The following ACAD11 variants were observed in gnomAD, a reference collection of about 807,000 sequenced individuals.
The protein encoded by ACAD11 is acyl-CoA dehydrogenase family member 11, also known as acyl-Coenzyme A dehydrogenase family, member 11.
Under a neutral mutation model 102.2 loss-of-function variants are expected in ACAD11, and 83 were observed. The ratio of observed to expected loss-of-function variants is 0.81; its 90% CI spans 0.68 to 0.97. The LOEUF (loss-of-function observed/expected upper bound fraction) is 0.97. ACAD11 is among the 50% of genes least tolerant of loss of function. The probability of loss-of-function intolerance (pLI) is 0.00; values close to 1 mark genes in which losing one functional copy is unlikely to be tolerated. For synonymous variants in ACAD11, 324 were observed against 319.8 expected, an observed-to-expected ratio of 1.01 and a Z score of -0.14; for missense variants, 901 against 951.7, an observed-to-expected ratio of 0.95 and a Z score of 0.70.
chr3:132,643,960 G>A (rs565340737), intron 2 of ACAD11, among the ~76,000 whole-genome samples: 10 of 152,170 alleles, frequency 6.6e-5, no homozygotes, highest in Non-Finnish European at 1.0e-4. Context: ...ATTGGGGCAC[G>A]GGTGGGGATT....
In ACAD11 at chr3:132,631,447, C is replaced by T. The variant is rs1940039083; in HGVS notation, c.735G>A (p.Leu245=). Reference sequence around the variant, plus strand: ...CTGACAAAGGATGACCAATGGTTGACAGCTCCCAATCCAGCACTGCTATAA... The same window carrying T: ...CTGACAAAGGATGACCAATGGTTGATAGCTCCCAATCCAGCACTGCTATAA... ...CRVIAVLDWE[L]STIGHPLSDL... The change falls in exon 6 of 20, where the codon CTG becomes CTA. Residue 245 remains leucine (L), a synonymous_variant. Coordinates refer to ENST00000264990, the MANE Select transcript of ACAD11 (RefSeq NM_032169.5). The T allele has an allele frequency of 1.3e-6, 2 of 1,548,332 alleles. No homozygotes were observed. Among genetic ancestry groups the T allele is most frequent in the Non-Finnish European group, 1.7e-6 (2 of 1,144,062 alleles).
At chr3:132,633,740 G>A (rs912794477) in intron 5 of ACAD11, among the ~76,000 whole-genome samples, 11 of 151,964 alleles carry the variant, frequency 7.2e-5, no homozygotes, top group South Asian at 2.1e-4. Flanking sequence ...CAGAGCCCTC[G>A]GAAATAATAC....
intron 5 of ACAD11, 75 bp downstream of exon 5, chr3:132,639,417 C>CT (rs1940396849): frequency 7.0e-7 from 1 of 1,431,630 alleles, no homozygotes; most frequent in Non-Finnish European, 9.5e-7. Flanking sequence ...CCTCAGTGCT[C>CT]TGGGGGGAGC....
intron 7 of ACAD11, 150 bp from the exon 8 acceptor site, chr3:132,628,596 G>T: frequency 1.8e-6 from 1 of 544,294 alleles, no homozygotes; most frequent in Non-Finnish European, 3.2e-6. Flanking sequence ...TGTACATGCA[G>T]GGGTAATTAC....
intron 17 of ACAD11, among the ~76,000 whole-genome samples, chr3:132,573,389 CATT>C (rs1937439425): frequency 6.6e-6 from 1 of 151,980 alleles, no homozygotes. Flanking sequence ...TAAAGTATCT[CATT>C]AATAATTTTT....
chr3:132,630,298 T>C, intron 7 of ACAD11, 139 bp downstream of exon 7: 2 of 951,922 alleles, frequency 2.1e-6, no homozygotes, highest in Non-Finnish European at 2.9e-6. Flanking sequence ...GATTTATATT[T>C]TACCTATGTC....
In ACAD11 at chr3:132,566,283, G is replaced by C. The variant is rs1937206919; in HGVS notation, c.2002-5066C>G. Among the ~76,000 whole-genome samples, 3 of 76,080 alleles carry C rather than the reference G, an allele frequency of 3.9e-5. No individual in the cohort carries two copies. The South Asian group carries it at 1.2e-3, about 31-fold the overall frequency. The allele number at this position is 76,080 out of a possible 152,430, so 49.9% of individuals were successfully genotyped here. On this transcript the variant is annotated intron_variant, in intron 17 of 19. Coordinates refer to ENST00000264990, the MANE Select transcript of ACAD11 (RefSeq NM_032169.5). The stretch of plus-strand genomic sequence containing the variant: ...GAAACAGCCCACCCTAAACCAAAGA[G>C]AGAAAACAAACTCAAAAAAACAAAA...
chr3:132,591,726 C>G (rs1448918833), intron 13 of ACAD11, among the ~76,000 whole-genome samples: 1 of 151,942 alleles, frequency 6.6e-6, no homozygotes, highest in African/African-American at 2.4e-5. Context: ...CTCGTCTATA[C>G]AAAAAAATTT....
At chr3:132,614,477 A>T (rs570881330) in intron 11 of ACAD11, among the ~76,000 whole-genome samples, 48 of 152,312 alleles carry the variant, frequency 3.2e-4, no homozygotes, top group African/African-American at 1.1e-3. Context: ...CGAAATAGAT[A>T]TATAGACCAA....
At position 132,618,633 on chromosome 3, in the gene ACAD11, C is replaced by A. The variant is rs41272317; in HGVS notation, c.1414+1G>T. On this transcript the variant is annotated splice_donor_variant, in intron 11 of 19. Coordinates refer to ENST00000264990, the MANE Select transcript of ACAD11 (RefSeq NM_032169.5). LOFTEE classifies it high-confidence loss of function. ...ATTATGTTTTCAATTAATGTAGTAA[C>A]CTGGTGCTTGGCAGTTAAAGACATC... 0.019 allele frequency: 30,510 copies of A among 1,579,782 alleles called. 526 individuals are homozygous for A. Among genetic ancestry groups the A allele is most frequent in the South Asian group, 0.067 (5,674 of 84,920 alleles).
intron 11 of ACAD11, among the ~76,000 whole-genome samples, chr3:132,613,358 C>T (rs1030303035): frequency 6.6e-6 from 1 of 151,496 alleles, no homozygotes; most frequent in Admixed American, 6.6e-5. Flanking sequence ...GACATGTACC[C>T]TAAAACTTTA....
chr3:132,629,678 T>A (rs1294879018), intron 7 of ACAD11, among the ~76,000 whole-genome samples: 2 of 152,180 alleles, frequency 1.3e-5, no homozygotes, highest in African/African-American at 4.8e-5. Flanking sequence ...TAGCATGAAC[T>A]CTGAGGACAG....
At chr3:132,584,007 G>A (rs1315860471) in intron 13 of ACAD11, among the ~76,000 whole-genome samples, 1 of 152,158 alleles carries the variant, frequency 6.6e-6, no homozygotes, top group African/African-American at 2.4e-5. Flanking sequence ...AATAGGTGTG[G>A]TGTGGTGCTG....
chr3:132,585,216 C>T (rs1019666670), intron 13 of ACAD11, among the ~76,000 whole-genome samples: 10 of 152,210 alleles, frequency 6.6e-5, no homozygotes, highest in African/African-American at 2.4e-4. Context: ...TGATCTTTGA[C>T]AAACCTGACA....
At chr3:132,582,145 AAAC>A (rs1937608793) in intron 13 of ACAD11, among the ~76,000 whole-genome samples, 3 of 152,136 alleles carry the variant, frequency 2.0e-5, no homozygotes, top group African/African-American at 2.4e-5. Flanking sequence ...AAAAATAAAA[AAAC>A]AACAAAAAAC....
chr3:132,568,801 CAAAA>C (rs755568917), intron 17 of ACAD11, among the ~76,000 whole-genome samples: 3 of 68,672 alleles, frequency 4.4e-5, no homozygotes, highest in South Asian at 4.7e-4. Context: ...CATCCACAGG[CAAAA>C]AAAAAAAAAA....
intron 17 of ACAD11, among the ~76,000 whole-genome samples, chr3:132,569,480 G>A (rs1937314979): frequency 6.6e-6 from 1 of 152,122 alleles, no homozygotes; most frequent in Non-Finnish European, 1.5e-5. Context: ...ATTTATCTCT[G>A]AGAAACGAAA....
chr3:132,564,350 TCTAA>T (rs796159458), intron 17 of ACAD11, among the ~76,000 whole-genome samples: 18 of 152,356 alleles, frequency 1.2e-4, no homozygotes, highest in African/African-American at 4.1e-4. Context: ...TTACTTCTTC[TCTAA>T]CTGTTTAGTA....
chr3:132,642,787 T>A lies in ACAD11; in HGVS notation c.265A>T (p.Lys89Ter). ...ATTGAAAACAAGGCTTTCTGGACTT[T>A]AAATTCTCTATCAATCTAAATAGGA... ...PKAHQIDREF[K>*]VQKALFSIGF... is the part of the protein sequence containing the mutation. Residue 89 changes from lysine (K) to a stop codon, truncating the protein, a stop_gained, in exon 3 of 20, where the codon AAA (lysine) becomes TAA (stop). Coordinates refer to ENST00000264990, the MANE Select transcript of ACAD11 (RefSeq NM_032169.5). LOFTEE classifies it high-confidence loss of function. 6.2e-7 allele frequency: 1 copy of A among 1,611,976 alleles called. No individual in the cohort carries two copies. The highest frequency in any genetic ancestry group is 1.1e-5 in the South Asian group (1 of 90,546).
Sources: allele counts gnomAD v4.1 joint callset (sites outside exome capture counted in the v4.1 genomes callset), GRCh38; gene constraint gnomAD v4.1.1; transcripts MANE v1.5; gene names NCBI Gene and HGNC (gene_info 2026-07-23, HGNC 2026-07-21).